AP3B1: variants seen among roughly 807,000 people sequenced by gnomAD.
AP3B1 encodes the protein adaptor related protein complex 3 subunit beta 1, also known as AP-3 complex subunit beta-1.
Under a neutral mutation model 132.5 loss-of-function variants are expected in AP3B1, and 61 were observed. That is an observed-to-expected ratio of 0.46 (90% CI 0.37 to 0.57). The LOEUF (loss-of-function observed/expected upper bound fraction) is 0.57, where lower values mean the gene tolerates loss of function less well. AP3B1 is among the 20% of genes least tolerant of loss of function. The pLI, the probability that AP3B1 is intolerant of heterozygous loss-of-function variation, is 0.00. For synonymous variants in AP3B1, 388 were observed against 438.3 expected, an observed-to-expected ratio of 0.89 and a Z score of 1.43; for missense variants, 1,120 against 1,289.4, an observed-to-expected ratio of 0.87 and a Z score of 2.01.
At chr5:78,248,509 A>G (rs1285360539) in intron 2 of AP3B1, among the ~76,000 whole-genome samples, 3 of 151,170 alleles carry the variant, frequency 2.0e-5, no homozygotes, top group Non-Finnish European at 4.4e-5. Flanking sequence ...AAAAAAAAAA[A>G]AAAAAAAGAA....
At chr5:78,190,356 A>C (rs777374846) in intron 7 of AP3B1, among the ~76,000 whole-genome samples, 1 of 152,166 alleles carries the variant, frequency 6.6e-6, no homozygotes, top group Non-Finnish European at 1.5e-5. Flanking sequence ...TAATTCTCTA[A>C]GTTGGAACCA....
chr5:78,231,235 G>A (rs764844646), intron 3 of AP3B1, among the ~76,000 whole-genome samples: 46 of 152,170 alleles, frequency 3.0e-4, no homozygotes, highest in Admixed American at 1.8e-3. Context: ...GCAGTGGGGC[G>A]ATCTCGCGAC....
rs533882349 is a variant in AP3B1, at chr5:78,213,263, T to A, written c.786+2792A>T. Among the ~76,000 whole-genome samples, 95 of 152,310 alleles carry A rather than the reference T, an allele frequency of 6.2e-4. 3 individuals carry two copies. In the South Asian group the frequency reaches 0.019, roughly 30 times the overall value. ...ACATCAAGCCTAGATCAGAAAGCAC[T>A]GAAGACTATAAATGGCTACACTGCT... On this transcript the variant is annotated intron_variant, in intron 7 of 26. Coordinates refer to ENST00000255194, the MANE Select transcript of AP3B1 (RefSeq NM_003664.5).
chr5:78,012,277 T>C (rs1746653616), intron 26 of AP3B1, among the ~76,000 whole-genome samples: 1 of 151,980 alleles, frequency 6.6e-6, no homozygotes, highest in South Asian at 2.1e-4. Context: ...AGTTAATTTA[T>C]ATTATTATAA....
At chr5:78,286,559 G>A (rs1244283402) in intron 1 of AP3B1, among the ~76,000 whole-genome samples, 2 of 152,090 alleles carry the variant, frequency 1.3e-5, no homozygotes, top group Non-Finnish European at 2.9e-5. Flanking sequence ...ACTCAATCTT[G>A]GACTTCCTGG....
intron 13 of AP3B1, among the ~76,000 whole-genome samples, chr5:78,161,668 C>T (rs533562092): frequency 6.6e-6 from 1 of 151,904 alleles, no homozygotes; most frequent in African/African-American, 2.4e-5. Flanking sequence ...TTAAACCTAT[C>T]GTCTTGATAA....
chr5:78,202,389 T>A (rs1745329656), intron 7 of AP3B1, among the ~76,000 whole-genome samples: 1 of 152,080 alleles, frequency 6.6e-6, no homozygotes, highest in East Asian at 1.9e-4. Flanking sequence ...CCCCAAGATA[T>A]ACAGATGGCA....
chr5:78,166,172 C>G (rs988751933), intron 11 of AP3B1, among the ~76,000 whole-genome samples: 1 of 130,118 alleles, frequency 7.7e-6, no homozygotes, highest in South Asian at 2.4e-4. Context: ...CACACACACA[C>G]AAATCATATT....
At position 78,087,749 on chromosome 5, in the gene AP3B1, T is replaced by C. The variant is rs1024612351; in HGVS notation, c.2577+1644A>G. The C allele has an allele frequency of 1.4e-5, 13 of 940,096 alleles. No individual in the cohort carries two copies. In the African/African-American group the frequency reaches 2.1e-4, roughly 15 times the overall value. The allele number at this position is 940,096 out of a possible 1,614,324, so 58.2% of individuals were successfully genotyped here. On this transcript the variant is annotated intron_variant, in intron 22 of 26. Coordinates refer to ENST00000255194, the MANE Select transcript of AP3B1 (RefSeq NM_003664.5). The stretch of plus-strand genomic sequence containing the variant: ...AATTACTTTGTGATGAATGAAAATT[T>C]ACTACAAGCTTTTCTAATCTCAACT...
Position 78,003,124 on chromosome 5 carries a change from A to G in AP3B1, c.3132-69T>C, listed in dbSNP as rs576013918. ...GGTAAAGGAGATAGCATACATTCAA[A>G]TAGGATTAAAATAACTCTTTTTTGT... On this transcript the variant is annotated intron_variant, in intron 26 of 26. Coordinates refer to ENST00000255194, the MANE Select transcript of AP3B1 (RefSeq NM_003664.5). The G allele has an allele frequency of 3.3e-4, 502 of 1,534,800 alleles. 1 individual carries two copies. In the African/African-American group the frequency reaches 6.1e-3, roughly 19 times the overall value.
intron 9 of AP3B1, among the ~76,000 whole-genome samples, chr5:78,177,126 G>A (rs1232240931): frequency 1.3e-5 from 2 of 151,962 alleles, no homozygotes; most frequent in Admixed American, 6.5e-5. Flanking sequence ...CAATATCTTT[G>A]GGCTTGAGGT....
chr5:78,111,314 C>G (rs1751580281), intron 19 of AP3B1, among the ~76,000 whole-genome samples: 1 of 152,060 alleles, frequency 6.6e-6, no homozygotes, highest in South Asian at 2.1e-4. Context: ...TGTTCACCTG[C>G]TCAACAAATA....
chr5:78,189,734 G>A (rs112351266), intron 7 of AP3B1, among the ~76,000 whole-genome samples: 6,199 of 152,034 alleles, frequency 0.041, 194 homozygotes, highest in East Asian at 0.13. Context: ...GCCAGGCATA[G>A]TGGCACATGC....
At chr5:78,252,199 T>C (rs1456537600) in intron 2 of AP3B1, among the ~76,000 whole-genome samples, 1 of 152,128 alleles carries the variant, frequency 6.6e-6, no homozygotes, top group South Asian at 2.1e-4. Flanking sequence ...AGGTACTACA[T>C]TGAGGGCCTT....
chr5:78,240,576 A>C (rs1467550136), intron 3 of AP3B1, among the ~76,000 whole-genome samples: 3 of 152,158 alleles, frequency 2.0e-5, no homozygotes, highest in Non-Finnish European at 4.4e-5. Context: ...CCTGGAACAA[A>C]ATTTAAACTA....
Position 78,067,185 on chromosome 5 carries a change from A to G in AP3B1, c.2577+22208T>C, listed in dbSNP as rs888033196. Among the ~76,000 whole-genome samples the G allele has an allele frequency of 2.0e-5, 3 of 152,240 alleles. No individual in the cohort carries two copies. In the East Asian group the frequency reaches 5.8e-4, roughly 29 times the overall value. ...AAAAAGACAAAGAAGGGCATTACAT[A>G]ATGGTAAAAGGCTCAATTCAACAAG... is the stretch of plus-strand genomic sequence containing the variant. On this transcript the variant is annotated intron_variant, in intron 22 of 26. Coordinates refer to ENST00000255194, the MANE Select transcript of AP3B1 (RefSeq NM_003664.5).
chr5:78,032,312 A>G (rs3776926), intron 24 of AP3B1, among the ~76,000 whole-genome samples: 23,589 of 152,194 alleles, frequency 0.15, 2,331 homozygotes, highest in Admixed American at 0.26. Flanking sequence ...CTTATCAAAT[A>G]TGCTGTTATT....
intron 17 of AP3B1, among the ~76,000 whole-genome samples, chr5:78,124,722 C>T (rs1227437613): frequency 6.6e-6 from 1 of 152,088 alleles, no homozygotes; most frequent in African/African-American, 2.4e-5. Context: ...ATTTAAAATG[C>T]TTCTGTCTAC....
intron 2 of AP3B1, among the ~76,000 whole-genome samples, chr5:78,251,722 T>C (rs1026462438): frequency 7.9e-5 from 12 of 152,048 alleles, no homozygotes; most frequent in Non-Finnish European, 1.8e-4. Context: ...GCTACAGCAC[T>C]GTGTGTCTCC....
Sources: allele counts gnomAD v4.1 joint callset (sites outside exome capture counted in the v4.1 genomes callset), GRCh38; gene constraint gnomAD v4.1.1; transcripts MANE v1.5; gene names NCBI Gene and HGNC (gene_info 2026-07-23, HGNC 2026-07-21).